MIOS: variants seen among roughly 807,000 people sequenced by gnomAD.
MIOS encodes the protein GATOR2 complex protein MIOS.
In MIOS, 52 loss-of-function variants were observed where a neutral mutation model predicts 96.9. The ratio of observed to expected loss-of-function variants is 0.54; its 90% confidence interval spans 0.43 to 0.68. The LOEUF (loss-of-function observed/expected upper bound fraction) is 0.68. Ranked by LOEUF, MIOS falls within the 30% of genes least tolerant of loss-of-function variation. The pLI is 0.00. For missense variants in MIOS, 1,005 were observed against 1,052.8 expected (o/e 0.95, Z 0.63); for synonymous variants, 397 against 359.5 (o/e 1.10, Z -1.18).
At chr7:7,577,049 A>C (rs1289360069) in intron 5 of MIOS, among the ~76,000 whole-genome samples, 1 of 152,190 alleles carries the variant, frequency 6.6e-6, no homozygotes, top group Non-Finnish European at 1.5e-5. Flanking sequence ...TATCAGTTCA[A>C]AGCCCAGGGG....
intron 11 of MIOS, 124 bp downstream of exon 11, chr7:7,596,585 C>T (rs1784209568): frequency 3.4e-6 from 3 of 885,378 alleles, no homozygotes; most frequent in Non-Finnish European, 5.1e-6. Flanking sequence ...AGTTTACTAG[C>T]TTGAAGGCTT....
In MIOS at chr7:7,608,437, A is replaced by AT. The variant is rs1784587149; in HGVS notation, c.*1351dup. On this transcript the variant is annotated 3_prime_UTR_variant, in exon 13 of 13. Coordinates refer to ENST00000340080, the MANE Select transcript of MIOS (RefSeq NM_019005.4). ...TAAATATTAAAAGTAGATTAAATTT[A>AT]TTTTTTACCTTGAGTGTCTGATACA... The AT allele has an allele frequency of 6.6e-6, 1 of 152,022 alleles. No homozygotes were observed. 9.4% of individuals were successfully genotyped at this position (152,022 alleles called of 1,614,324 possible). A position where few individuals can be genotyped will look rare whatever the true frequency, so the allele number is the denominator to read the frequency against.
chr7:7,582,727 A>G, intron 5 of MIOS: 1 of 516,246 alleles, frequency 1.9e-6, no homozygotes, highest in Non-Finnish European at 2.5e-6. Flanking sequence ...TTTGGAGCTT[A>G]TGCGCTACTG....
Position 7,595,024 on chromosome 7 carries a change from G to C in MIOS, c.2088G>C (p.Trp696Cys). ...DVLKDERVQY[W>C]IENYRNLLDA... is the part of the protein sequence containing the mutation. ...TTAAAGATGAAAGGGTTCAGTACTGGATTGAGAATTATAGAAATTTATTAG... is the reference window on the plus strand; with the variant it reads ...TTAAAGATGAAAGGGTTCAGTACTGCATTGAGAATTATAGAAATTTATTAG... Residue 696 changes from tryptophan (W) to cysteine (C), a missense_variant, in exon 10 of 13, where the codon TGG (tryptophan) becomes TGC (cysteine). Physicochemically the swap from Trp to Cys is radical, Grantham distance 215. Coordinates refer to ENST00000340080, the MANE Select transcript of MIOS (RefSeq NM_019005.4). 1 of 1,613,652 alleles carries C rather than the reference G, an allele frequency of 6.2e-7. No homozygotes were observed. Among genetic ancestry groups the C allele is most frequent in the Non-Finnish European group, 8.5e-7 (1 of 1,179,662 alleles).
chr7:7,581,178 C>T (rs184346146), intron 5 of MIOS, among the ~76,000 whole-genome samples: 76 of 151,250 alleles, frequency 5.0e-4, no homozygotes, highest in Admixed American at 2.3e-3. Context: ...AAAAATTAGC[C>T]GGGTGTGGTG....
At position 7,607,440 on chromosome 7, in the gene MIOS, C is replaced by G. The variant is rs1353690592; in HGVS notation, c.*348C>G. On this transcript the variant is annotated 3_prime_UTR_variant, in exon 13 of 13. Transcript: ENST00000340080. ...TGAGCCTATATCTTCAAAGCTGAAA[C>G]TGGATATCTTTCAATAAAATATGTG... 6.3e-6 allele frequency: 1 copy of G among 159,980 alleles called. No homozygotes were observed. The highest frequency in any genetic ancestry group is 1.4e-5 in the Non-Finnish European group (1 of 73,494). The allele number at this position is 159,980 out of a possible 1,614,324, so 9.9% of individuals were successfully genotyped here. A position where few individuals can be genotyped will look rare whatever the true frequency, so the allele number is the denominator to read the frequency against.
chr7:7,594,636 C>G lies in MIOS; in HGVS notation c.2044-344C>G, dbSNP rs550792837. On this transcript the variant is annotated intron_variant, in intron 9 of 12. Transcript: ENST00000340080. Reference sequence around the variant, plus strand: ...TTGATAGTAAACAGAGTTTGTGAACCCAGAGGTTTTTAATTGCTGGGACAA... The same window carrying G: ...TTGATAGTAAACAGAGTTTGTGAACGCAGAGGTTTTTAATTGCTGGGACAA... Among the ~76,000 whole-genome samples, 5 of 152,206 alleles carry G rather than the reference C, an allele frequency of 3.3e-5. No individual in the cohort carries two copies. The East Asian group carries it at 9.7e-4, about 29-fold the overall frequency.
At chr7:7,586,813 A>T (rs1267220856) in intron 7 of MIOS, among the ~76,000 whole-genome samples, 1 of 152,186 alleles carries the variant, frequency 6.6e-6, no homozygotes, top group Non-Finnish European at 1.5e-5. Context: ...TAAACAGAAG[A>T]CTTTAAATGT....
rs1563052552 is a variant in MIOS at position 7,607,792 on chromosome 7, C to T, written c.*700C>T. 1 of 152,116 alleles carries T rather than the reference C, an allele frequency of 6.6e-6. No individual in the cohort carries two copies. The highest frequency in any genetic ancestry group is 1.5e-5 in the Non-Finnish European group (1 of 68,000). The allele number at this position is 152,116 out of a possible 1,614,324, so 9.4% of individuals were successfully genotyped here. Reference sequence around the variant, plus strand: ...AAGAATCTATCTTACAACTTTTTCTCTTCAGTAGAGAAAAACATGTACCAT... The same window carrying T: ...AAGAATCTATCTTACAACTTTTTCTTTTCAGTAGAGAAAAACATGTACCAT... On this transcript the variant is annotated 3_prime_UTR_variant, in exon 13 of 13. Transcript: ENST00000340080.
rs1369926425 is a variant in MIOS, at chr7:7,596,320, C to G, written c.2260C>G (p.Gln754Glu). 1 of 1,614,116 alleles carries G rather than the reference C, an allele frequency of 6.2e-7. No homozygotes were observed. Among genetic ancestry groups the G allele is most frequent in the Non-Finnish European group, 8.5e-7 (1 of 1,180,020 alleles). The change falls in exon 11 of 13, where the codon CAG (glutamine) becomes GAG (glutamate). Residue 754 changes from glutamine (Q) to glutamate (E), a missense_variant. By Grantham distance (29) the Gln-to-Glu change is conservative. This residue lies in a region of MIOS where 865 missense variants were observed against 887.9 expected (regional missense o/e 0.97). Transcript: ENST00000340080. ...ISYSCSAVPH[Q>E]GRGFSQYGVS... ...CTACAGCTGTTCAGCTGTGCCTCAT[C>G]AGGGCAGAGGTTTTAGTCAGTATGG...
chr7:7,599,968 A>G (rs1324456580), intron 11 of MIOS, among the ~76,000 whole-genome samples: 3 of 152,122 alleles, frequency 2.0e-5, no homozygotes, highest in African/African-American at 7.2e-5. Flanking sequence ...GGAGCTAAAC[A>G]TTGAGAACAT....
intron 6 of MIOS, among the ~76,000 whole-genome samples, chr7:7,584,839 A>G (rs1783835925): frequency 6.6e-6 from 1 of 152,198 alleles, no homozygotes; most frequent in African/African-American, 2.4e-5. Context: ...TGCTGAAGGC[A>G]AAGTTAGCAG....
chr7:7,589,000 G>A (rs1783970552), intron 8 of MIOS, among the ~76,000 whole-genome samples: 1 of 152,022 alleles, frequency 6.6e-6, no homozygotes, highest in Admixed American at 6.5e-5. Context: ...AAGAGTTTGG[G>A]GTGGGTTGAA....
chr7:7,606,115 G>C (rs1563050730), intron 12 of MIOS, 44 bp downstream of exon 12: 2 of 1,598,880 alleles, frequency 1.3e-6, no homozygotes, highest in Non-Finnish European at 1.7e-6. Context: ...AGTTATGGGG[G>C]ATAACACAGA....
chr7:7,601,266 A>C (rs1784370009), intron 11 of MIOS, among the ~76,000 whole-genome samples: 1 of 152,092 alleles, frequency 6.6e-6, no homozygotes, highest in Non-Finnish European at 1.5e-5. Flanking sequence ...TCAAAAAATC[A>C]ATGAATCCAG....
intron 2 of MIOS, 66 bp from the exon 3 acceptor site, chr7:7,567,960 A>G (rs1421430521): frequency 6.6e-6 from 1 of 152,216 alleles, no homozygotes; most frequent in Non-Finnish European, 1.5e-5. Flanking sequence ...ACCTAATTTT[A>G]CTTTTTAAAT....
In MIOS at chr7:7,583,351, G is replaced by T; in HGVS notation, c.1627G>T (p.Glu543Ter). The T allele has an allele frequency of 6.2e-7, 1 of 1,608,524 alleles. No homozygotes were observed. The highest frequency in any genetic ancestry group is 1.1e-5 in the South Asian group (1 of 90,212). ...TCGCCGAGCAATCCAAATCCTGAAT[G>T]AAGGGGCATCTTCTGAAAAAGGTAT... is the stretch of plus-strand genomic sequence containing the variant. ...DIRRAIQILN[E>*]GASSEKGDLN... The change falls in exon 6 of 13, where the codon GAA (glutamate) becomes TAA (stop). Residue 543 changes from glutamate (E) to a stop codon, truncating the protein, a stop_gained. Coordinates refer to ENST00000340080, the MANE Select transcript of MIOS (RefSeq NM_019005.4). LOFTEE classifies it high-confidence loss of function.
intron 6 of MIOS, 55 bp downstream of exon 6, chr7:7,583,427 G>T: frequency 6.9e-7 from 1 of 1,442,264 alleles, no homozygotes; most frequent in Non-Finnish European, 9.2e-7. Context: ...AGCAGTTCAT[G>T]GAATCTTTTA....
Position 7,567,084 on chromosome 7 carries a change from C to T in MIOS, c.-221+12C>T, listed in dbSNP as rs1783163084. On this transcript the variant is annotated intron_variant, in intron 1 of 12. Coordinates refer to ENST00000340080, the MANE Select transcript of MIOS (RefSeq NM_019005.4). ...CGCTGCCACCTCAGGTCAGTGAGCG[C>T]GACCCGGTTCGCGTCTCGACTCTCG... The T allele has an allele frequency of 6.6e-6, 1 of 151,936 alleles. No homozygotes were observed. The allele number at this position is 151,936 out of a possible 1,614,324, so 9.4% of individuals were successfully genotyped here. A position where few individuals can be genotyped will look rare whatever the true frequency, so the allele number is the denominator to read the frequency against.
Sources: allele counts gnomAD v4.1 joint callset (sites outside exome capture counted in the v4.1 genomes callset), GRCh38; gene constraint gnomAD v4.1.1; regional missense constraint gnomAD v4.1.1; transcripts MANE v1.5; gene names NCBI Gene and HGNC (gene_info 2026-07-23, HGNC 2026-07-21).